The following FZD3 variants were observed in gnomAD, a reference collection of about 807,000 sequenced individuals.
The protein encoded by FZD3 is frizzled-3.
Under a neutral mutation model 60.7 loss-of-function variants are expected in FZD3, and 30 were observed. The observed-to-expected ratio is 0.49, with a 90% CI of 0.37 to 0.67. The LOEUF is 0.67. Ranked by LOEUF, FZD3 falls within the 30% of genes least tolerant of loss-of-function variation. The probability of loss-of-function intolerance (pLI) is 0.00; values close to 1 mark genes in which losing one functional copy is unlikely to be tolerated. For missense variants in FZD3, 605 were observed against 838.7 expected (o/e 0.72, Z 3.44); for synonymous variants, 246 against 275.2 (o/e 0.89, Z 1.05).
chr8:28,552,840 A>T (rs1322847740), intron 6 of FZD3, among the ~76,000 whole-genome samples: 2 of 152,228 alleles, frequency 1.3e-5, no homozygotes, highest in African/African-American at 4.8e-5. Flanking sequence ...GGATTCAGCC[A>T]ACAATGGATC....
chr8:28,562,804 GC>G lies in FZD3; in HGVS notation c.1797del (p.Cys600AlafsTer18). On this transcript the variant is annotated frameshift_variant, in exon 8 of 8. Coordinates refer to ENST00000240093, the MANE Select transcript of FZD3 (RefSeq NM_017412.4). LOFTEE classifies it high-confidence loss of function. ...LHRSRDGRYT[P>X]CSYRGMEERL... ...AAATAAACTCTCATGACAGGTACAC[GC>G]CCTGCAGTTACAGAGGAATGGAGGA... 1 of 1,596,740 alleles carries G rather than the reference GC, an allele frequency of 6.3e-7. No homozygotes were observed. Among genetic ancestry groups the G allele is most frequent in the Non-Finnish European group, 8.6e-7 (1 of 1,166,420 alleles).
intron 5 of FZD3, among the ~76,000 whole-genome samples, chr8:28,550,637 G>T (rs1318876394): frequency 1.3e-5 from 2 of 151,672 alleles, no homozygotes; most frequent in African/African-American, 4.8e-5. Context: ...GACTACAGGT[G>T]CCTGCCACCA....
Position 28,565,648 on chromosome 8 carries a change from CTA to C in FZD3, c.*2639_*2640del, listed in dbSNP as rs1258643184. ...TTTTAGATAATCATTTGTATTTTCTCTATTAAATTGTGGGTATGTATGGGAAT... is the reference window on the plus strand; with the variant it reads ...TTTTAGATAATCATTTGTATTTTCTCTTAAATTGTGGGTATGTATGGGAAT... On this transcript the variant is annotated 3_prime_UTR_variant, in exon 8 of 8. Transcript: ENST00000240093. The C allele has an allele frequency of 2.0e-5, 3 of 151,978 alleles. No homozygotes were observed. Among genetic ancestry groups the C allele is most frequent in the Admixed American group, 6.5e-5 (1 of 15,274 alleles). The allele number at this position is 151,978 out of a possible 1,614,324, so 9.4% of individuals were successfully genotyped here. A position where few individuals can be genotyped will look rare whatever the true frequency, so the allele number is the denominator to read the frequency against.
At chr8:28,520,577 T>C in intron 3 of FZD3, 61 bp from the exon 4 acceptor site, 15 of 905,498 alleles carry the variant, frequency 1.7e-5, no homozygotes, top group Non-Finnish European at 2.4e-5. Context: ...TGCAGTATTA[T>C]AGAAAGCTTT....
intron 5 of FZD3, among the ~76,000 whole-genome samples, chr8:28,529,389 T>G (rs1804803390): frequency 6.6e-6 from 1 of 152,214 alleles, no homozygotes; most frequent in South Asian, 2.1e-4. Flanking sequence ...ACTTAAGGAT[T>G]ACAGATAACT....
Position 28,562,893 on chromosome 8 carries a change from G to A in FZD3, c.1883G>A (p.Arg628Gln), listed in dbSNP as rs575641194. The A allele has an allele frequency of 1.4e-5, 23 of 1,613,048 alleles. No homozygotes were observed. The highest frequency in any genetic ancestry group is 3.3e-4 in the Middle Eastern group (2 of 6,084). Residue 628 changes from arginine (R) to glutamine (Q), a missense_variant, in exon 8 of 8, where the codon CGG becomes CAG. By Grantham distance (43) the Arg-to-Gln change is conservative (BLOSUM62 1). Coordinates refer to ENST00000240093, the MANE Select transcript of FZD3 (RefSeq NM_017412.4). ...CACTCCAGGCATAGTAGTTCTCATCGGCTCAATGAACAGTCACGACATAGC... is the reference window on the plus strand; with the variant it reads ...CACTCCAGGCATAGTAGTTCTCATCAGCTCAATGAACAGTCACGACATAGC... The part of the protein sequence containing the change: ...TDHSRHSSSH[R>Q]LNEQSRHSSI...
chr8:28,499,774 A>C (rs1024237242), intron 1 of FZD3, among the ~76,000 whole-genome samples, 159 bp from the exon 2 acceptor site: 1 of 151,962 alleles, frequency 6.6e-6, no homozygotes, highest in Non-Finnish European at 1.5e-5. Context: ...ATATCTTTTC[A>C]TATGTTTCTT....
chr8:28,519,089 A>G (rs1250183609), intron 3 of FZD3, among the ~76,000 whole-genome samples: 1 of 152,214 alleles, frequency 6.6e-6, no homozygotes, highest in Non-Finnish European at 1.5e-5. Flanking sequence ...CAGTTTCTAT[A>G]AGTGACTCTT....
intron 1 of FZD3, among the ~76,000 whole-genome samples, chr8:28,495,080 G>A (rs1743894832): frequency 6.6e-6 from 1 of 152,244 alleles, no homozygotes; most frequent in African/African-American, 2.4e-5. Context: ...AGCCAGCAAG[G>A]TGAAGGAGCC....
intron 5 of FZD3, among the ~76,000 whole-genome samples, chr8:28,536,624 G>A (rs189000077): frequency 2.0e-4 from 31 of 152,232 alleles, no homozygotes; most frequent in Admixed American, 2.0e-3. Context: ...CAGGAGAATT[G>A]CTTGAACCCA....
chr8:28,545,235 G>T (rs1229915822), intron 5 of FZD3, among the ~76,000 whole-genome samples: 1 of 152,216 alleles, frequency 6.6e-6, no homozygotes, highest in African/African-American at 2.4e-5. Context: ...TCTTGCTCTT[G>T]AGTAGTCCCT....
At position 28,572,540 on chromosome 8, in the gene FZD3, T is replaced by C. The variant is rs908862275; in HGVS notation, c.*9529T>C. 6.6e-6 allele frequency: 1 copy of C among 152,176 alleles called. No individual in the cohort carries two copies. The highest frequency in any genetic ancestry group is 2.4e-5 in the African/African-American group (1 of 41,450). 9.4% of individuals were successfully genotyped at this position (152,176 alleles called of 1,614,324 possible). ...GGAAGTATATATGTTACATAAGACT[T>C]TCACTAAATCTGTGCGTAAAGCTTT... On this transcript the variant is annotated 3_prime_UTR_variant, in exon 8 of 8. Coordinates refer to ENST00000240093, the MANE Select transcript of FZD3 (RefSeq NM_017412.4).
rs1225735202 is a variant in FZD3 at position 28,569,701 on chromosome 8, A to G, written c.*6690A>G. 3 of 152,216 alleles carry G rather than the reference A, an allele frequency of 2.0e-5. No homozygotes were observed. Among genetic ancestry groups the G allele is most frequent in the South Asian group, 4.1e-4 (2 of 4,834 alleles). The allele number at this position is 152,216 out of a possible 1,614,324, so 9.4% of individuals were successfully genotyped here. On this transcript the variant is annotated 3_prime_UTR_variant, in exon 8 of 8. Coordinates refer to ENST00000240093, the MANE Select transcript of FZD3 (RefSeq NM_017412.4). The stretch of plus-strand genomic sequence containing the variant: ...TTTTAAAGAAGGAAAATTATATTAC[A>G]GATAATAAAAATGAAAGAAAGTTAT...
At chr8:28,495,849 C>G (rs1458288749) in intron 1 of FZD3, among the ~76,000 whole-genome samples, 1 of 151,080 alleles carries the variant, frequency 6.6e-6, no homozygotes, top group Non-Finnish European at 1.5e-5. Context: ...TCTACCATAC[C>G]CCCCCACCCC....
chr8:28,543,094 T>C (rs1448246183), intron 5 of FZD3, among the ~76,000 whole-genome samples: 1 of 152,238 alleles, frequency 6.6e-6, no homozygotes, highest in Non-Finnish European at 1.5e-5. Context: ...ATTTGACTTA[T>C]GTCACGTTGC....
chr8:28,503,056 G>A lies in FZD3; in HGVS notation c.43G>A (p.Val15Met), dbSNP rs1362098717. 6.2e-7 allele frequency: 1 copy of A among 1,613,380 alleles called. No individual in the cohort carries two copies. The highest frequency in any genetic ancestry group is 1.1e-5 in the South Asian group (1 of 91,020). Residue 15 changes from valine (V) to methionine (M), a missense_variant, in exon 3 of 8, where the codon GTG becomes ATG. By Grantham distance (21) the Val-to-Met change is conservative. Transcript: ENST00000240093. Reference sequence around the variant, plus strand: ...TGTCTTCTCTCTTTGGCCCTTGACTGTGTTCATGGGGCATATAGGTGGGCA... The same window carrying A: ...TGTCTTCTCTCTTTGGCCCTTGACTATGTTCATGGGGCATATAGGTGGGCA... ...WIVFSLWPLTVFMGHIGGHSL... is the reference protein window; with the variant it reads ...WIVFSLWPLTMFMGHIGGHSL...
In FZD3 at chr8:28,573,937, G is replaced by A. The variant is rs1563414571; in HGVS notation, c.*10926G>A. ...TAGAAAGTGTTTATGCTAAAGACTT[G>A]TATTTTGTGGCATTAGTTCTTCATG... On this transcript the variant is annotated 3_prime_UTR_variant, in exon 8 of 8. Transcript: ENST00000240093. 1.3e-5 allele frequency: 2 copies of A among 152,110 alleles called. No homozygotes were observed. The highest frequency in any genetic ancestry group is 4.8e-5 in the African/African-American group (2 of 41,432). The allele number at this position is 152,110 out of a possible 1,614,324, so 9.4% of individuals were successfully genotyped here.
chr8:28,524,049 C>T (rs187737321), intron 4 of FZD3, among the ~76,000 whole-genome samples: 23 of 152,214 alleles, frequency 1.5e-4, no homozygotes, highest in African/African-American at 5.5e-4. Context: ...ACTTGGACTT[C>T]CCAGCCTCTA....
intron 4 of FZD3, among the ~76,000 whole-genome samples, chr8:28,523,297 T>A (rs1319164012): frequency 6.6e-6 from 1 of 152,174 alleles, no homozygotes; most frequent in East Asian, 1.9e-4. Flanking sequence ...GCTTCCAACA[T>A]GGCACCTTGT....
Sources: gnomAD v4.1 joint callset for allele counts (sites outside exome capture counted in the v4.1 genomes callset) on GRCh38, gnomAD v4.1.1 for gene constraint, MANE v1.5 for transcripts, NCBI Gene and HGNC (gene_info 2026-07-23, HGNC 2026-07-21) for gene names.